The following BRINP3 variants were observed in gnomAD, a reference collection of about 807,000 sequenced individuals.
The protein encoded by BRINP3 is BMP/retinoic acid-inducible neural-specific protein 3.
BRINP3 carries 19 observed loss-of-function variants against 71.0 expected under a neutral mutation model. The observed-to-expected ratio is 0.27, with a 90% CI of 0.19 to 0.39. The LOEUF is 0.39. Among genes scored for constraint, BRINP3 ranks in the 10% least tolerant of loss-of-function variants. The pLI, the probability that BRINP3 is intolerant of heterozygous loss-of-function variation, is 1.00. For missense variants in BRINP3, 959 were observed against 940.8 expected, an observed-to-expected ratio of 1.02 and a Z score of -0.25; for synonymous variants, 380 against 337.7, an observed-to-expected ratio of 1.13 and a Z score of -1.37.
chr1:190,139,406 C>G (rs554280964), intron 7 of BRINP3, among the ~76,000 whole-genome samples: 1 of 142,724 alleles, frequency 7.0e-6, no homozygotes, highest in Admixed American at 7.3e-5. Flanking sequence ...GAGACAAGAT[C>G]TCACCACTGC....
intron 2 of BRINP3, 68 bp downstream of exon 2, chr1:190,454,587 A>C: frequency 2.3e-6 from 3 of 1,319,328 alleles, no homozygotes; most frequent in Non-Finnish European, 3.2e-6. Flanking sequence ...ACTTTCCCTT[A>C]GAGAAACTTA....
chr1:190,403,312 T>C (rs1385642144), intron 2 of BRINP3, among the ~76,000 whole-genome samples: 1 of 152,168 alleles, frequency 6.6e-6, no homozygotes, highest in Non-Finnish European at 1.5e-5. Flanking sequence ...TAGAAAACAT[T>C]TATTAAATTT....
chr1:190,421,758 T>G (rs565416017), intron 2 of BRINP3, among the ~76,000 whole-genome samples: 1 of 151,978 alleles, frequency 6.6e-6, no homozygotes, highest in African/African-American at 2.4e-5. Context: ...GTTCATTTCT[T>G]CATCTGAAAA....
chr1:190,355,764 A>C (rs1377713136), intron 2 of BRINP3, among the ~76,000 whole-genome samples: 1 of 151,900 alleles, frequency 6.6e-6, no homozygotes, highest in Non-Finnish European at 1.5e-5. Flanking sequence ...TTCCCAGAAC[A>C]GGGAACTATT....
intron 7 of BRINP3, among the ~76,000 whole-genome samples, chr1:190,135,549 G>T (rs952774421): frequency 6.6e-6 from 1 of 152,048 alleles, no homozygotes; most frequent in Admixed American, 6.6e-5. Flanking sequence ...AATCATAATT[G>T]TGTACATTTC....
intron 2 of BRINP3, among the ~76,000 whole-genome samples, chr1:190,373,373 G>C (rs1669985220): frequency 6.6e-6 from 1 of 151,732 alleles, no homozygotes; most frequent in Admixed American, 6.6e-5. Flanking sequence ...CTGGGCAACA[G>C]AGTGATACTT....
At chr1:190,193,834 G>A (rs1654251247) in intron 6 of BRINP3, among the ~76,000 whole-genome samples, 1 of 152,054 alleles carries the variant, frequency 6.6e-6, no homozygotes. Context: ...TCTTTAAAAT[G>A]TAATCGTAAA....
At position 190,281,718 on chromosome 1, in the gene BRINP3, G is replaced by A; in HGVS notation, c.269C>T (p.Ala90Val). 1 of 1,612,178 alleles carries A rather than the reference G, an allele frequency of 6.2e-7. No individual in the cohort carries two copies. Among genetic ancestry groups the A allele is most frequent in the Non-Finnish European group, 8.5e-7 (1 of 1,179,074 alleles). The change falls in exon 3 of 8, where the codon GCA becomes GTA. Residue 90 changes from alanine to valine, a missense_variant. By Grantham distance (64) the Ala-to-Val change is moderately conservative (BLOSUM62 0). Transcript: ENST00000367462. ...EFGRWKVNNLAVERRNFLGSP... is the reference protein window; with the variant it reads ...EFGRWKVNNLVVERRNFLGSP... ...GCCAAGGAAATTTCTTCTCTCAACT[G>A]CAAGGTTATTTACTTTCCAGCGGCC...
At chr1:190,168,977 T>G (rs1240795507) in intron 6 of BRINP3, among the ~76,000 whole-genome samples, 1 of 152,198 alleles carries the variant, frequency 6.6e-6, no homozygotes, top group Non-Finnish European at 1.5e-5. Flanking sequence ...CTCATTGTAT[T>G]CTGGGTTTAA....
At chr1:190,251,403 C>T (rs1660128707) in intron 4 of BRINP3, among the ~76,000 whole-genome samples, 1 of 151,922 alleles carries the variant, frequency 6.6e-6, no homozygotes, top group African/African-American at 2.4e-5. Context: ...GATTATTAAA[C>T]TGATACATAG....
At chr1:190,402,354 A>C (rs1671984420) in intron 2 of BRINP3, among the ~76,000 whole-genome samples, 1 of 152,194 alleles carries the variant, frequency 6.6e-6, no homozygotes, top group Non-Finnish European at 1.5e-5. Flanking sequence ...ATATATGAAC[A>C]TTAAAATATT....
intron 7 of BRINP3, among the ~76,000 whole-genome samples, chr1:190,141,770 G>A (rs1655471794): frequency 6.6e-6 from 1 of 151,584 alleles, no homozygotes; most frequent in Non-Finnish European, 1.5e-5. Context: ...ATGTTGGTCA[G>A]GCTGGTCTCA....
intron 2 of BRINP3, among the ~76,000 whole-genome samples, chr1:190,334,673 T>C (rs1667173779): frequency 6.6e-6 from 1 of 151,808 alleles, no homozygotes. Flanking sequence ...GCTTAGAAGA[T>C]GATTTGTCTG....
intron 2 of BRINP3, among the ~76,000 whole-genome samples, chr1:190,353,122 T>C (rs139006423): frequency 3.3e-4 from 49 of 150,330 alleles, no homozygotes; most frequent in Non-Finnish European, 6.6e-4. Flanking sequence ...AGAGAACATG[T>C]TGTGTTTTAA....
At chr1:190,387,394 A>C (rs1670980223) in intron 2 of BRINP3, among the ~76,000 whole-genome samples, 1 of 152,002 alleles carries the variant, frequency 6.6e-6, no homozygotes, top group Non-Finnish European at 1.5e-5. Flanking sequence ...CCTAGGCAGC[A>C]TTAATAGAGT....
At chr1:190,444,270 A>T (rs1279402078) in intron 2 of BRINP3, among the ~76,000 whole-genome samples, 3 of 136,294 alleles carry the variant, frequency 2.2e-5, no homozygotes, top group Non-Finnish European at 4.8e-5. Flanking sequence ...AAAAAAAAAA[A>T]ATCCCTTTGT....
chr1:190,186,852 C>T (rs979037120), intron 6 of BRINP3, among the ~76,000 whole-genome samples: 1 of 152,006 alleles, frequency 6.6e-6, no homozygotes, highest in African/African-American at 2.4e-5. Context: ...CATATTCTCC[C>T]AGTTTCAAGA....
At chr1:190,331,780 T>C (rs1666981759) in intron 2 of BRINP3, among the ~76,000 whole-genome samples, 1 of 151,996 alleles carries the variant, frequency 6.6e-6, no homozygotes. Flanking sequence ...ATACTTATAT[T>C]TGAATCATTA....
At chr1:190,187,477 T>G (rs1653635164) in intron 6 of BRINP3, among the ~76,000 whole-genome samples, 1 of 152,038 alleles carries the variant, frequency 6.6e-6, no homozygotes, top group African/African-American at 2.4e-5. Context: ...ATGGAGGTAT[T>G]TTCTGTGTTT....
Sources: allele counts gnomAD v4.1 joint callset (sites outside exome capture counted in the v4.1 genomes callset), GRCh38; gene constraint gnomAD v4.1.1; transcripts MANE v1.5; gene names NCBI Gene and HGNC (gene_info 2026-07-23, HGNC 2026-07-21).